KARS1: variants seen among roughly 807,000 people sequenced by gnomAD.
KARS1 encodes lysyl-tRNA synthetase 1.
Under a neutral mutation model 63.9 loss-of-function variants are expected in KARS1, and 50 were observed. The observed-to-expected ratio is 0.78, with a 90% confidence interval of 0.62 to 0.99. KARS1 has a LOEUF of 0.99. Ranked by LOEUF, KARS1 falls within the 50% of genes least tolerant of loss-of-function variation. KARS1 has a pLI of 0.00. For synonymous variants in KARS1, 320 were observed against 264.6 expected (o/e 1.21, Z -2.03); for missense variants, 816 against 754.5 (o/e 1.08, Z -0.95).
intron 3 of KARS1, among the ~76,000 whole-genome samples, chr16:75,639,018 A>C (rs2082194200): frequency 6.6e-6 from 1 of 151,120 alleles, no homozygotes; most frequent in Admixed American, 6.6e-5. Context: ...AGATACAAAA[A>C]TTAGCTGGGC....
chr16:75,640,188 C>G lies in KARS1; in HGVS notation c.384G>C (p.Val128=), dbSNP rs1033724869. The change falls in exon 3 of 14, where the codon GTG becomes GTC. Residue 128 remains valine (V), a synonymous_variant. Transcript: ENST00000302445. ...TTTGCCAGGGAGAGTTCCTACCTGC[C>G]ACCTTTAAGGTGATGTCAGTCAGGT... ...GDHLTDITLK[V]AGRIHAKRAS... 3.1e-6 allele frequency: 5 copies of G among 1,614,028 alleles called. No homozygotes were observed. In the South Asian group the frequency reaches 5.5e-5, roughly 18 times the overall value.
rs1454347125 is a variant in KARS1, at chr16:75,631,179, G to A, written c.1327C>T (p.Leu443Phe). The change falls in exon 10 of 14, where the codon CTC (leucine) becomes TTC (phenylalanine). Residue 443 changes from leucine (L) to phenylalanine (F), a missense_variant. Transcript: ENST00000302445. Reference protein sequence around the residue: ...ECPPPRTTARLLDKLVGEFLE... With the variant: ...ECPPPRTTARFLDKLVGEFLE... ...CAGGGCCTTCTCACCTTGTCAAGGA[G>A]CCTGGCTGTGGTCCGAGGTGGAGGG... 6.2e-7 allele frequency: 1 copy of A among 1,613,484 alleles called. No individual in the cohort carries two copies. The highest frequency in any genetic ancestry group is 1.3e-5 in the African/African-American group (1 of 74,930).
intron 3 of KARS1, among the ~76,000 whole-genome samples, chr16:75,638,431 T>C (rs1423751078): frequency 4.7e-5 from 7 of 150,212 alleles, no homozygotes; most frequent in Admixed American, 4.0e-4. Context: ...TTCCCCTCCC[T>C]GTGTCCATGT....
Position 75,641,833 on chromosome 16 carries a change from T to A in KARS1, c.63-110A>T, listed in dbSNP as rs1597175662. 3.6e-6 allele frequency: 4 copies of A among 1,126,260 alleles called. No homozygotes were observed. The East Asian group carries it at 9.4e-5, about 26-fold the overall frequency. The allele number at this position is 1,126,260 out of a possible 1,614,324, so 69.8% of individuals were successfully genotyped here. On this transcript the variant is annotated intron_variant, in intron 1 of 13. Coordinates refer to ENST00000302445, the MANE Select transcript of KARS1 (RefSeq NM_005548.3). ...AATCGCCCAGGAGAAACGCTCTTGC[T>A]CAGTTCTATACCCCTCAATTCCACA... is the stretch of plus-strand genomic sequence containing the variant.
At chr16:75,636,943 ATT>A (rs869266336) in intron 3 of KARS1, among the ~76,000 whole-genome samples, 17 of 116,008 alleles carry the variant, frequency 1.5e-4, no homozygotes, top group Admixed American at 1.8e-4. Context: ...CCCGGCCTGC[ATT>A]TTTTTTTTTT....
chr16:75,645,172 C>T (rs189198988), intron 1 of KARS1, among the ~76,000 whole-genome samples: 1 of 152,148 alleles, frequency 6.6e-6, no homozygotes, highest in Admixed American at 6.5e-5. Context: ...CAAGGAATTC[C>T]CCAGAACAAT....
At chr16:75,644,195 A>G (rs2082255378) in intron 1 of KARS1, 3 of 1,230,980 alleles carry the variant, frequency 2.4e-6, no homozygotes, top group Non-Finnish European at 3.5e-6. Flanking sequence ...ACAAGTCCAA[A>G]GACTTAGCCA....
At position 75,628,061 on chromosome 16, in the gene KARS1, C is replaced by T; in HGVS notation, c.1696-68G>A. 3.2e-6 allele frequency: 3 copies of T among 923,322 alleles called. No homozygotes were observed. In the South Asian group the frequency reaches 3.9e-5, roughly 12 times the overall value. 57.2% of individuals were successfully genotyped at this position (923,322 alleles called of 1,614,324 possible). A position where few individuals can be genotyped will look rare whatever the true frequency, so the allele number is the denominator to read the frequency against. On this transcript the variant is annotated intron_variant, in intron 13 of 13. Coordinates refer to ENST00000302445, the MANE Select transcript of KARS1 (RefSeq NM_005548.3). ...CAACATTTTTTCACAGCTATCTACCCATTCCTCTTGCCTCTGTTGTTACCA... is the reference window on the plus strand; with the variant it reads ...CAACATTTTTTCACAGCTATCTACCTATTCCTCTTGCCTCTGTTGTTACCA...
At chr16:75,643,144 T>A (rs545908497) in intron 1 of KARS1, among the ~76,000 whole-genome samples, 1 of 152,320 alleles carries the variant, frequency 6.6e-6, no homozygotes, top group South Asian at 2.1e-4. Flanking sequence ...GAATTTGCTA[T>A]CTGAAACCAG....
chr16:75,640,888 T>C (rs190558711), intron 2 of KARS1, among the ~76,000 whole-genome samples: 118 of 152,286 alleles, frequency 7.7e-4, no homozygotes, highest in African/African-American at 2.7e-3. Flanking sequence ...ACAGCTGTGT[T>C]CCAATACAAT....
intron 7 of KARS1, among the ~76,000 whole-genome samples, chr16:75,632,748 T>C (rs1366870632): frequency 6.6e-6 from 1 of 152,202 alleles, no homozygotes; most frequent in Non-Finnish European, 1.5e-5. Flanking sequence ...CTGATCCTCC[T>C]GGGGACTGTG....
intron 4 of KARS1, 50 bp downstream of exon 4, chr16:75,636,404 G>C: frequency 3.5e-6 from 4 of 1,147,392 alleles, no homozygotes; most frequent in Non-Finnish European, 5.3e-6. Flanking sequence ...CTATTGCTGT[G>C]TTGCTCTAGG....
chr16:75,631,136 A>T (rs1213129933), intron 10 of KARS1, 32 bp downstream of exon 10: 1 of 1,556,238 alleles, frequency 6.4e-7, no homozygotes, highest in Non-Finnish European at 8.9e-7. Flanking sequence ...GCACCAGATG[A>T]GGACATGTAC....
chr16:75,634,372 T>G, intron 6 of KARS1, 80 bp from the exon 7 acceptor site: 3 of 1,457,514 alleles, frequency 2.1e-6, no homozygotes, highest in Non-Finnish European at 2.9e-6. Context: ...TGTAATATAG[T>G]CTAAGCCTGT....
chr16:75,631,160 C>T lies in KARS1; in HGVS notation c.1338+8G>A, dbSNP rs1597164469. 3 of 1,611,184 alleles carry T rather than the reference C, an allele frequency of 1.9e-6. No individual in the cohort carries two copies. The highest frequency in any genetic ancestry group is 2.5e-6 in the Non-Finnish European group (3 of 1,177,674). ...GAGGACATGTACAAGAAGGCAGGGC[C>T]TTCTCACCTTGTCAAGGAGCCTGGC... is the stretch of plus-strand genomic sequence containing the variant. On this transcript the variant is annotated splice_region_variant and intron_variant, in intron 10 of 13. Transcript: ENST00000302445.
rs759241436 is a variant in KARS1, at chr16:75,631,152, G to C, written c.1338+16C>G. 6.2e-7 allele frequency: 1 copy of C among 1,606,310 alleles called. No individual in the cohort carries two copies. ...CACCAGATGAGGACATGTACAAGAAGGCAGGGCCTTCTCACCTTGTCAAGG... is the reference window on the plus strand; with the variant it reads ...CACCAGATGAGGACATGTACAAGAACGCAGGGCCTTCTCACCTTGTCAAGG... On this transcript the variant is annotated intron_variant, in intron 10 of 13. Coordinates refer to ENST00000302445, the MANE Select transcript of KARS1 (RefSeq NM_005548.3).
In KARS1 at chr16:75,640,292, G is replaced by T. The variant is rs11557667; in HGVS notation, c.280C>A (p.Pro94Thr). Residue 94 changes from proline (P) to threonine (T), a missense_variant, in exon 3 of 14, where the codon CCA becomes ACA. Transcript: ENST00000302445. Reference sequence around the variant, plus strand: ...TCTACATGGAACTTGTGTGGGTATGGGTCTTCCCCATTGACCTTCAGCTGA... The same window carrying T: ...TCTACATGGAACTTGTGTGGGTATGTGTCTTCCCCATTGACCTTCAGCTGA... ...IHQLKVNGED[P>T]YPHKFHVDIS... 1 of 1,613,504 alleles carries T rather than the reference G, an allele frequency of 6.2e-7. No individual in the cohort carries two copies. The highest frequency in any genetic ancestry group is 8.5e-7 in the Non-Finnish European group (1 of 1,179,840).
intron 11 of KARS1, 144 bp from the exon 12 acceptor site, chr16:75,629,685 T>C (rs2082090612): frequency 1.2e-6 from 1 of 858,084 alleles, no homozygotes; most frequent in South Asian, 1.3e-5. Context: ...CTGCAACCTC[T>C]GTCTCCTGGG....
At chr16:75,634,063 T>G (rs2082137500) in intron 7 of KARS1, 110 bp downstream of exon 7, 1 of 1,210,754 alleles carries the variant, frequency 8.3e-7, no homozygotes, top group African/African-American at 1.5e-5. Context: ...GAACACTTTC[T>G]TGGCTGCTTT....
Sources: gnomAD v4.1 joint callset for allele counts (sites outside exome capture counted in the v4.1 genomes callset) on GRCh38, gnomAD v4.1.1 for gene constraint, MANE v1.5 for transcripts, NCBI Gene and HGNC (gene_info 2026-07-23, HGNC 2026-07-21) for gene names.